The following KCTD20 variants were observed in gnomAD, a reference collection of about 807,000 sequenced individuals.
The protein encoded by KCTD20 is potassium channel tetramerization domain containing 20.
Under a neutral mutation model 39.6 loss-of-function variants are expected in KCTD20, and 30 were observed. The ratio of observed to expected loss-of-function variants is 0.76; its 90% CI spans 0.57 to 1.03. The LOEUF is 1.03. KCTD20 is among the 50% of genes least tolerant of loss of function. KCTD20 has a pLI of 0.00. For missense variants in KCTD20, 422 were observed against 522.0 expected (o/e 0.81, Z 1.87); for synonymous variants, 162 against 180.6 (o/e 0.90, Z 0.83).
intron 3 of KCTD20, among the ~76,000 whole-genome samples, chr6:36,475,379 G>T (rs1285287129): frequency 4.6e-5 from 7 of 151,830 alleles, no homozygotes; most frequent in Admixed American, 6.6e-5. Flanking sequence ...AACCTGGAAG[G>T]TGGAGGTTGC....
Position 36,471,950 on chromosome 6 carries a change from G to A in KCTD20, c.160+1693G>A, listed in dbSNP as rs867713412. Among the ~76,000 whole-genome samples, 82 of 151,616 alleles carry A rather than the reference G, an allele frequency of 5.4e-4. 2 individuals are homozygous for A. In the Middle Eastern group the frequency reaches 0.017, roughly 31 times the overall value. On this transcript the variant is annotated intron_variant, in intron 2 of 7. Coordinates refer to ENST00000373731, the MANE Select transcript of KCTD20 (RefSeq NM_173562.5). ...TGCAAGCTCCGCCTCCCGGGTTCAC[G>A]CTATTCTCCTGCCTCAGCCTCCCAA...
chr6:36,453,055 T>TAC (rs1775314846), intron 1 of KCTD20, among the ~76,000 whole-genome samples: 1 of 143,312 alleles, frequency 7.0e-6, no homozygotes, highest in Admixed American at 7.3e-5. Context: ...TTGCCCTGGC[T>TAC]GGAGTGCAGT....
chr6:36,473,173 G>C (rs1024751216), intron 2 of KCTD20, among the ~76,000 whole-genome samples: 1 of 151,810 alleles, frequency 6.6e-6, no homozygotes, highest in East Asian at 2.0e-4. Context: ...CCATTCACCT[G>C]CCTCAGCCTC....
chr6:36,457,315 CTCGG>C (rs1775467191), intron 1 of KCTD20, among the ~76,000 whole-genome samples: 4 of 152,152 alleles, frequency 2.6e-5, no homozygotes, highest in Admixed American at 2.6e-4. Flanking sequence ...CATTACTTGC[CTCGG>C]TCATATTGTG....
At chr6:36,479,514 C>G in intron 4 of KCTD20, 77 bp from the exon 5 acceptor site, 3 of 1,325,750 alleles carry the variant, frequency 2.3e-6, no homozygotes, top group Non-Finnish European at 3.1e-6. Flanking sequence ...TTAACAAAAC[C>G]AGGAATGCAC....
chr6:36,457,951 C>T (rs1467848901), intron 1 of KCTD20, among the ~76,000 whole-genome samples: 3 of 152,010 alleles, frequency 2.0e-5, no homozygotes, highest in African/African-American at 7.3e-5. Context: ...TTTGAGATCC[C>T]AGATTTTGAG....
chr6:36,454,491 G>A (rs902801046), intron 1 of KCTD20, among the ~76,000 whole-genome samples: 2 of 151,346 alleles, frequency 1.3e-5, no homozygotes, highest in Non-Finnish European at 2.9e-5. Context: ...ACAGATGCAT[G>A]CCACCACACC....
chr6:36,447,306 C>T (rs938277799), intron 1 of KCTD20, among the ~76,000 whole-genome samples: 5 of 152,118 alleles, frequency 3.3e-5, no homozygotes, highest in Non-Finnish European at 7.4e-5. Context: ...TGTAAGTTTT[C>T]AGGAAATGCT....
At chr6:36,475,495 G>C (rs1427053907) in intron 3 of KCTD20, among the ~76,000 whole-genome samples, 1 of 151,840 alleles carries the variant, frequency 6.6e-6, no homozygotes, top group Non-Finnish European at 1.5e-5. Flanking sequence ...TCATACATTT[G>C]TGAAAGGGAG....
At chr6:36,446,024 G>GTT (rs553882182) in intron 1 of KCTD20, among the ~76,000 whole-genome samples, 3 of 126,530 alleles carry the variant, frequency 2.4e-5, no homozygotes, top group South Asian at 2.4e-4. Context: ...TATGAACTCA[G>GTT]TTTTTTTTTT....
Position 36,477,116 on chromosome 6 carries a change from A to G in KCTD20, c.435-2005A>G, listed in dbSNP as rs189731990. Among the ~76,000 whole-genome samples, 366 of 152,318 alleles carry G rather than the reference A, an allele frequency of 2.4e-3. 1 individual carries two copies. The highest frequency in any genetic ancestry group is 4.0e-3 in the Non-Finnish European group (270 of 68,018). ...AGGTCGTAAATTCTGTAAGTTATTT[A>G]GATTTGTTCTGTTCTGTGGCTACCT... On this transcript the variant is annotated intron_variant, in intron 3 of 7. Transcript: ENST00000373731.
chr6:36,467,914 T>C (rs904253143), intron 1 of KCTD20, among the ~76,000 whole-genome samples: 1 of 152,150 alleles, frequency 6.6e-6, no homozygotes, highest in African/African-American at 2.4e-5. Flanking sequence ...ATGAGGCATA[T>C]AGTATATAAT....
intron 6 of KCTD20, 83 bp from the exon 7 acceptor site, chr6:36,484,631 C>T: frequency 3.0e-6 from 2 of 667,526 alleles, no homozygotes; most frequent in Non-Finnish European, 5.4e-6. Context: ...CAAGTATATC[C>T]TTCATTAGTT....
At chr6:36,476,440 T>G (rs947436932) in intron 3 of KCTD20, among the ~76,000 whole-genome samples, 2 of 151,628 alleles carry the variant, frequency 1.3e-5, no homozygotes, top group Admixed American at 1.3e-4. Context: ...TTTTTTTTTT[T>G]TTTTTTTAAG....
chr6:36,454,072 A>T (rs1400158426), intron 1 of KCTD20, among the ~76,000 whole-genome samples: 1 of 152,200 alleles, frequency 6.6e-6, no homozygotes, highest in Non-Finnish European at 1.5e-5. Context: ...ATGTATTGAG[A>T]CTTACTATGT....
chr6:36,463,042 A>T (rs1775646120), intron 1 of KCTD20, among the ~76,000 whole-genome samples: 1 of 152,220 alleles, frequency 6.6e-6, no homozygotes, highest in Non-Finnish European at 1.5e-5. Context: ...TCCTTAGATG[A>T]TGATGTGCAT....
At chr6:36,472,740 A>C (rs948720152) in intron 2 of KCTD20, among the ~76,000 whole-genome samples, 3 of 152,028 alleles carry the variant, frequency 2.0e-5, no homozygotes, top group African/African-American at 7.2e-5. Flanking sequence ...CACTTTGGGG[A>C]GCCAAGGTGG....
intron 1 of KCTD20, among the ~76,000 whole-genome samples, chr6:36,448,674 G>C (rs1204992754): frequency 6.6e-6 from 1 of 152,178 alleles, no homozygotes; most frequent in African/African-American, 2.4e-5. Context: ...TGTTTGACTT[G>C]TAGATGGCCA....
intron 6 of KCTD20, 96 bp from the exon 7 acceptor site, chr6:36,484,618 A>G: frequency 3.3e-6 from 2 of 609,172 alleles, no homozygotes; most frequent in Non-Finnish European, 5.9e-6. Context: ...TGGGATTAGG[A>G]GTCAAGTATA....
Sources: gnomAD v4.1 joint callset for allele counts (sites outside exome capture counted in the v4.1 genomes callset) on GRCh38, gnomAD v4.1.1 for gene constraint, MANE v1.5 for transcripts, NCBI Gene and HGNC (gene_info 2026-07-23, HGNC 2026-07-21) for gene names.